The following NRG3 variants were observed in gnomAD, a reference collection of about 807,000 sequenced individuals.
NRG3 encodes the protein pro-neuregulin-3, membrane-bound isoform.
In NRG3, 31 loss-of-function variants were observed where a neutral mutation model predicts 66.9. That is an observed-to-expected ratio of 0.46 (90% CI 0.35 to 0.63). The LOEUF (loss-of-function observed/expected upper bound fraction) is 0.63. Among genes scored for constraint, NRG3 ranks in the 20% least tolerant of loss-of-function variants. The pLI is 0.00. For synonymous variants in NRG3, 393 were observed against 359.4 expected, an observed-to-expected ratio of 1.09 and a Z score of -1.06; for missense variants, 910 against 878.9, an observed-to-expected ratio of 1.04 and a Z score of -0.45.
At chr10:82,969,660 T>C (rs992768996) in intron 6 of NRG3, among the ~76,000 whole-genome samples, 3 of 152,346 alleles carry the variant, frequency 2.0e-5, no homozygotes, top group Admixed American at 2.0e-4. Context: ...AAACATTTAA[T>C]TGGAGCTTTT....
intron 3 of NRG3, among the ~76,000 whole-genome samples, chr10:82,759,842 A>C (rs2059231557): frequency 6.6e-6 from 1 of 152,148 alleles, no homozygotes; most frequent in African/African-American, 2.4e-5. Flanking sequence ...TAATAATCAT[A>C]CTAATCTATT....
intron 2 of NRG3, among the ~76,000 whole-genome samples, chr10:82,508,851 T>C (rs2132422816): frequency 6.6e-6 from 1 of 152,298 alleles, no homozygotes; most frequent in Non-Finnish European, 1.5e-5. Context: ...TCCTTGTCAG[T>C]CTCCCTGCCT....
At chr10:82,459,539 A>C (rs879800011) in intron 2 of NRG3, among the ~76,000 whole-genome samples, 4 of 152,222 alleles carry the variant, frequency 2.6e-5, no homozygotes, top group Non-Finnish European at 4.4e-5. Flanking sequence ...TATAGTCTAG[A>C]AACATATCTT....
intron 1 of NRG3, among the ~76,000 whole-genome samples, chr10:82,285,766 C>A (rs2134507509): frequency 6.6e-6 from 1 of 152,278 alleles, no homozygotes; most frequent in East Asian, 1.9e-4. Flanking sequence ...TGTTTGCCTC[C>A]AAATTCTGAA....
At chr10:82,808,286 C>T (rs1351676333) in intron 3 of NRG3, among the ~76,000 whole-genome samples, 1 of 151,408 alleles carries the variant, frequency 6.6e-6, no homozygotes, top group African/African-American at 2.4e-5. Context: ...CTTATAAATA[C>T]AGTTTCTACT....
At chr10:82,927,845 T>TTGGCTATATACCCAGTAC (rs1311818484) in intron 4 of NRG3, among the ~76,000 whole-genome samples, 2 of 152,218 alleles carry the variant, frequency 1.3e-5, no homozygotes, top group Non-Finnish European at 2.9e-5. Context: ...TTATAATCCT[T>TTGGCTATATACCCAGTAC]TGGCTATATA....
At chr10:82,976,838 C>A (rs775066207) in intron 7 of NRG3, among the ~76,000 whole-genome samples, 7 of 152,010 alleles carry the variant, frequency 4.6e-5, no homozygotes, top group Non-Finnish European at 7.4e-5. Context: ...GCAGTGCGGC[C>A]CCCTCCTTAC....
chr10:82,958,981 A>G lies in NRG3; in HGVS notation c.1190A>G (p.Lys397Arg). 6.2e-7 allele frequency: 1 copy of G among 1,604,024 alleles called. No homozygotes were observed. The highest frequency in any genetic ancestry group is 8.5e-7 in the Non-Finnish European group (1 of 1,177,214). The change falls in exon 6 of 9, where the codon AAA becomes AGA. Residue 397 changes from lysine to arginine, a missense_variant. Lys to Arg is a conservative substitution (Grantham distance 26). Transcript: ENST00000372141. The stretch of plus-strand genomic sequence containing the variant: ...GCTAAACAAATCCAAGAGCAGCTGA[A>G]AGTGCCACAAAATGGTAAAAGCTAC... ...KQAKQIQEQLKVPQNGKSYSL... is the reference protein window; with the variant it reads ...KQAKQIQEQLRVPQNGKSYSL...
intron 2 of NRG3, among the ~76,000 whole-genome samples, chr10:82,660,429 C>A (rs1348276491): frequency 6.6e-6 from 1 of 151,958 alleles, no homozygotes; most frequent in Non-Finnish European, 1.5e-5. Flanking sequence ...ACTCACTCTT[C>A]CTTTGAAATG....
intron 1 of NRG3, among the ~76,000 whole-genome samples, chr10:82,204,380 G>A (rs1474143081): frequency 6.6e-6 from 1 of 152,206 alleles, no homozygotes; most frequent in Non-Finnish European, 1.5e-5. Context: ...AGGCTGCCCT[G>A]ATTAGCTCTC....
chr10:82,371,372 A>G (rs1204072745), intron 2 of NRG3, among the ~76,000 whole-genome samples: 2 of 152,186 alleles, frequency 1.3e-5, no homozygotes, highest in Non-Finnish European at 2.9e-5. Flanking sequence ...GAGGCTATAG[A>G]ATGGCACTTT....
At chr10:81,986,909 T>G (rs1388958345) in intron 1 of NRG3, among the ~76,000 whole-genome samples, 1 of 152,172 alleles carries the variant, frequency 6.6e-6, no homozygotes, top group Non-Finnish European at 1.5e-5. Flanking sequence ...CTTGAACTCC[T>G]GAACTTAAGT....
Position 81,890,641 on chromosome 10 carries a change from C to G in NRG3, c.823+14478C>G, listed in dbSNP as rs1842938020. On this transcript the variant is annotated intron_variant, in intron 1 of 8. Transcript: ENST00000372141. ...TATTCCTACCATTGGAAAATACTGT[C>G]CACAGTGAATATGTGTGTTCTCATC... Among the ~76,000 whole-genome samples the G allele has an allele frequency of 1.3e-5, 2 of 152,176 alleles. 1 individual carries two copies. The highest frequency in any genetic ancestry group is 4.1e-4 in the South Asian group (2 of 4,832).
Position 82,515,893 on chromosome 10 carries a change from CTT to C in NRG3, c.953+157026_953+157027del, listed in dbSNP as rs551230277. On this transcript the variant is annotated intron_variant, in intron 2 of 8. Transcript: ENST00000372141. ...TTTTGTGTATGTTTTTTAATCCTCT[CTT>C]ATTCTGGGATGTTAGGCCCTGAAAG... 4.6e-5 allele frequency among the ~76,000 whole-genome samples: 7 copies of C among 152,248 alleles called. No individual in the cohort carries two copies. The East Asian group carries it at 1.4e-3, about 29-fold the overall frequency.
intron 1 of NRG3, among the ~76,000 whole-genome samples, chr10:82,239,215 T>A (rs2076898864): frequency 6.6e-6 from 1 of 152,106 alleles, no homozygotes; most frequent in Admixed American, 6.5e-5. Context: ...TATATATGCA[T>A]ATATACATGT....
intron 2 of NRG3, among the ~76,000 whole-genome samples, chr10:82,456,985 C>T (rs1392256818): frequency 4.6e-5 from 7 of 152,020 alleles, no homozygotes; most frequent in African/African-American, 9.7e-5. Flanking sequence ...GGAATGCCTG[C>T]GATCATCATA....
chr10:82,648,444 C>T (rs1357226933), intron 2 of NRG3, among the ~76,000 whole-genome samples: 1 of 152,064 alleles, frequency 6.6e-6, no homozygotes, highest in African/African-American at 2.4e-5. Flanking sequence ...AGTGTGATGC[C>T]CTCCAGCTTT....
chr10:82,846,764 C>T (rs965421957), intron 3 of NRG3, among the ~76,000 whole-genome samples: 11 of 152,058 alleles, frequency 7.2e-5, no homozygotes, highest in African/African-American at 2.7e-4. Context: ...CACTTATAAA[C>T]GATATAAATC....
chr10:82,083,117 T>A (rs775634692), intron 1 of NRG3, among the ~76,000 whole-genome samples: 8 of 152,032 alleles, frequency 5.3e-5, no homozygotes, highest in Non-Finnish European at 1.0e-4. Context: ...ATTATGAAAC[T>A]CTTAAATACC....
Sources: allele counts gnomAD v4.1 joint callset (sites outside exome capture counted in the v4.1 genomes callset), GRCh38; gene constraint gnomAD v4.1.1; transcripts MANE v1.5; gene names NCBI Gene and HGNC (gene_info 2026-07-23, HGNC 2026-07-21).